The following DCLK2 variants were observed in gnomAD, a reference collection of about 807,000 sequenced individuals.
DCLK2 encodes the protein doublecortin like kinase 2, also known as serine/threonine-protein kinase DCLK2.
In DCLK2, 31 loss-of-function variants were observed where a neutral mutation model predicts 78.4. The ratio of observed to expected loss-of-function variants is 0.40; its 90% CI spans 0.30 to 0.53. The LOEUF is 0.53. Among genes scored for constraint, DCLK2 ranks in the 20% least tolerant of loss-of-function variants. The pLI is 0.61. For missense variants in DCLK2, 872 were observed against 973.7 expected (o/e 0.90, Z 1.39); for synonymous variants, 407 against 374.9 (o/e 1.09, Z -0.99).
chr4:150,093,105 A>T (rs1470221549), intron 1 of DCLK2, among the ~76,000 whole-genome samples: 2 of 152,238 alleles, frequency 1.3e-5, no homozygotes. Flanking sequence ...AAATCATCAT[A>T]CACAAATCAG....
At chr4:150,150,905 C>T (rs1210767364) in intron 2 of DCLK2, among the ~76,000 whole-genome samples, 1 of 152,228 alleles carries the variant, frequency 6.6e-6, no homozygotes, top group African/African-American at 2.4e-5. Context: ...TGGACAGGCT[C>T]CTTTCTTCTC....
Position 150,078,861 on chromosome 4 carries a change from TCGGCTCCTCCG to T in DCLK2, c.-157_-147del, listed in dbSNP as rs538167874. Reference sequence around the variant, plus strand: ...ACTTTTAGCTGAGGGCGCGGGCGGGTCGGCTCCTCCGCGGCTCCTCGGCCCCACCTGCGCGG... The same window carrying T: ...ACTTTTAGCTGAGGGCGCGGGCGGGTCGGCTCCTCGGCCCCACCTGCGCGG... On this transcript the variant is annotated 5_prime_UTR_variant, in exon 1 of 16. Coordinates refer to ENST00000296550, the MANE Select transcript of DCLK2 (RefSeq NM_001040260.4). 11 of 830,658 alleles carry T rather than the reference TCGGCTCCTCCG, an allele frequency of 1.3e-5. No homozygotes were observed. Among genetic ancestry groups the T allele is most frequent in the South Asian group, 7.4e-5 (3 of 40,754 alleles). The allele number at this position is 830,658 out of a possible 1,614,324, so 51.5% of individuals were successfully genotyped here.
At chr4:150,228,063 A>T (rs1201913473) in intron 8 of DCLK2, among the ~76,000 whole-genome samples, 2 of 152,148 alleles carry the variant, frequency 1.3e-5, no homozygotes, top group African/African-American at 4.8e-5. Flanking sequence ...ATATCCCACC[A>T]GTCTCTGCCT....
chr4:150,248,401 C>T lies in DCLK2; in HGVS notation c.1956+16C>T. ...CTGGGTGTCAGTAAGTACCCACATT[C>T]CCAGGGAATGGGCCTCACTGTGCTC... On this transcript the variant is annotated intron_variant, in intron 14 of 15. Coordinates refer to ENST00000296550, the MANE Select transcript of DCLK2 (RefSeq NM_001040260.4). The T allele has an allele frequency of 1.2e-6, 2 of 1,608,162 alleles. No individual in the cohort carries two copies. The highest frequency in any genetic ancestry group is 1.7e-6 in the Non-Finnish European group (2 of 1,174,794).
rs150436545 is a variant in DCLK2, at chr4:150,166,321, C to G, written c.757-26817C>G. Among the ~76,000 whole-genome samples the G allele has an allele frequency of 9.3e-5, 14 of 150,556 alleles. 1 individual carries two copies. The East Asian group carries it at 2.7e-3, about 29-fold the overall frequency. Reference sequence around the variant, plus strand: ...CCTGAGCAACATAGCGGGACCCCATCTCTACATAAAATTTTTAAAAAAATT... The same window carrying G: ...CCTGAGCAACATAGCGGGACCCCATGTCTACATAAAATTTTTAAAAAAATT... On this transcript the variant is annotated intron_variant, in intron 2 of 15. Transcript: ENST00000296550.
At chr4:150,137,398 C>T (rs969195451) in intron 2 of DCLK2, among the ~76,000 whole-genome samples, 1 of 152,076 alleles carries the variant, frequency 6.6e-6, no homozygotes, top group African/African-American at 2.4e-5. Flanking sequence ...GTTATTTCTG[C>T]CTCATTCTGT....
intron 8 of DCLK2, among the ~76,000 whole-genome samples, chr4:150,224,995 C>A (rs1296357584): frequency 1.3e-5 from 2 of 152,148 alleles, no homozygotes; most frequent in East Asian, 3.9e-4. Flanking sequence ...TGCATTGGTT[C>A]CCCTTAACTC....
chr4:150,210,073 T>G (rs969653437), intron 5 of DCLK2, among the ~76,000 whole-genome samples: 2 of 152,120 alleles, frequency 1.3e-5, no homozygotes, highest in African/African-American at 4.8e-5. Flanking sequence ...AGACTCTGAC[T>G]TAAAATTAAA....
In DCLK2 at chr4:150,171,919, G is replaced by A. The variant is rs1486990046; in HGVS notation, c.757-21219G>A. 2.0e-5 allele frequency among the ~76,000 whole-genome samples: 3 copies of A among 152,262 alleles called. No individual in the cohort carries two copies. In the East Asian group the frequency reaches 5.8e-4, roughly 29 times the overall value. On this transcript the variant is annotated intron_variant, in intron 2 of 15. Transcript: ENST00000296550. ...CCCAGCCACTCTCTCATCTGACTGGGTAAAAGATAAATTGACAAATGCGTG... is the reference window on the plus strand; with the variant it reads ...CCCAGCCACTCTCTCATCTGACTGGATAAAAGATAAATTGACAAATGCGTG...
intron 1 of DCLK2, among the ~76,000 whole-genome samples, chr4:150,101,212 G>A (rs1009923340): frequency 2.0e-5 from 3 of 152,090 alleles, no homozygotes; most frequent in African/African-American, 7.2e-5. Flanking sequence ...CCATGATTGC[G>A]CCACTGCAGT....
At chr4:150,093,825 AG>A (rs1730269978) in intron 1 of DCLK2, among the ~76,000 whole-genome samples, 1 of 152,250 alleles carries the variant, frequency 6.6e-6, no homozygotes, top group South Asian at 2.1e-4. Flanking sequence ...ACAAAGACAC[AG>A]TAATTAAAAC....
At chr4:150,238,389 G>A (rs78015862) in intron 10 of DCLK2, among the ~76,000 whole-genome samples, 3,348 of 152,078 alleles carry the variant, frequency 0.022, 131 homozygotes, top group African/African-American at 0.076. Flanking sequence ...TGAGATTAGC[G>A]TCCTTATATA....
intron 2 of DCLK2, among the ~76,000 whole-genome samples, chr4:150,145,095 T>C (rs527541321): frequency 6.6e-6 from 1 of 152,336 alleles, no homozygotes; most frequent in Admixed American, 6.5e-5. Flanking sequence ...TTTGGTTAAA[T>C]GTATTACTGG....
intron 2 of DCLK2, among the ~76,000 whole-genome samples, chr4:150,167,106 G>A (rs577201872): frequency 1.3e-5 from 2 of 152,224 alleles, no homozygotes; most frequent in East Asian, 3.9e-4. Flanking sequence ...AACCCCATCA[G>A]TTAGTTAAAG....
chr4:150,192,297 G>A (rs2126368131), intron 2 of DCLK2, among the ~76,000 whole-genome samples: 1 of 152,166 alleles, frequency 6.6e-6, no homozygotes, highest in Admixed American at 6.5e-5. Context: ...TGGCCAACAT[G>A]GTGAAACCCT....
intron 5 of DCLK2, 25 bp from the exon 6 acceptor site, chr4:150,220,678 A>C (rs1389540258): frequency 1.3e-6 from 2 of 1,592,794 alleles, no homozygotes; most frequent in African/African-American, 1.3e-5. Context: ...TATCCTGATA[A>C]ATAATGGTCA....
At chr4:150,085,152 C>T (rs1241170714) in intron 1 of DCLK2, among the ~76,000 whole-genome samples, 1 of 152,114 alleles carries the variant, frequency 6.6e-6, no homozygotes, top group African/African-American at 2.4e-5. Flanking sequence ...AGCCCTTTCT[C>T]CCTGGCTTCT....
chr4:150,124,091 A>G (rs114493010), intron 2 of DCLK2, among the ~76,000 whole-genome samples: 2,165 of 152,226 alleles, frequency 0.014, 57 homozygotes, highest in African/African-American at 0.05. Flanking sequence ...AGAGCAAGAC[A>G]AACTTTCATG....
At chr4:150,145,074 T>G (rs1734375362) in intron 2 of DCLK2, among the ~76,000 whole-genome samples, 1 of 152,226 alleles carries the variant, frequency 6.6e-6, no homozygotes, top group Non-Finnish European at 1.5e-5. Context: ...CCTGTAGAGA[T>G]CTTTCCTCTC....
Sources: allele counts gnomAD v4.1 joint callset (sites outside exome capture counted in the v4.1 genomes callset), GRCh38; gene constraint gnomAD v4.1.1; transcripts MANE v1.5; gene names NCBI Gene and HGNC (gene_info 2026-07-23, HGNC 2026-07-21).